Variants in TXNRD1 observed in about 807,000 individuals in gnomAD.
The protein encoded by TXNRD1 is thioredoxin reductase 1, cytoplasmic.
In TXNRD1, 57 loss-of-function variants were observed where a neutral mutation model predicts 80.3. That is an observed-to-expected ratio of 0.71 (90% CI 0.57 to 0.89). TXNRD1 has a LOEUF of 0.89. Among genes scored for constraint, TXNRD1 ranks in the 40% least tolerant of loss-of-function variants. The probability of loss-of-function intolerance (pLI) is 0.00; values close to 1 mark genes in which losing one functional copy is unlikely to be tolerated. For missense variants in TXNRD1, 730 were observed against 803.0 expected (o/e 0.91, Z 1.10); for synonymous variants, 291 against 285.2 (o/e 1.02, Z -0.20).
chr12:104,332,085 A>T (rs988376379), intron 14 of TXNRD1, among the ~76,000 whole-genome samples: 1 of 152,152 alleles, frequency 6.6e-6, no homozygotes, highest in African/African-American at 2.4e-5. Context: ...ATTATAGGAA[A>T]ATGAAAAGAA....
intron 4 of TXNRD1, among the ~76,000 whole-genome samples, chr12:104,295,018 A>T (rs1419713653): frequency 6.6e-6 from 1 of 152,194 alleles, no homozygotes; most frequent in Non-Finnish European, 1.5e-5. Context: ...TTGAGGCCTG[A>T]GGAGGACTGG....
intron 1 of TXNRD1, among the ~76,000 whole-genome samples, chr12:104,234,266 A>T (rs752977971): frequency 2.6e-5 from 4 of 152,222 alleles, no homozygotes; most frequent in Non-Finnish European, 5.9e-5. Flanking sequence ...TCTTAAAGTC[A>T]CATGAACTAA....
At chr12:104,341,389 G>T (rs2036318794) in intron 16 of TXNRD1, among the ~76,000 whole-genome samples, 1 of 152,186 alleles carries the variant, frequency 6.6e-6, no homozygotes, top group Admixed American at 6.5e-5. Flanking sequence ...TGCCGTGCTG[G>T]ACACTGGGGA....
At chr12:104,224,818 A>C (rs1162413901) in intron 1 of TXNRD1, 2 of 456,526 alleles carry the variant, frequency 4.4e-6, no homozygotes, top group Non-Finnish European at 8.8e-6. Context: ...CAACCCAGGA[A>C]TCTCTTTCCC....
At chr12:104,257,492 C>T (rs10861182) in intron 2 of TXNRD1, among the ~76,000 whole-genome samples, 107,172 of 149,124 alleles carry the variant, frequency 0.72, 39,215 homozygotes, top group East Asian at 0.85. Context: ...CTGCAACCTC[C>T]GCCTCCTGAG....
chr12:104,316,757 C>G (rs146912739), intron 7 of TXNRD1, among the ~76,000 whole-genome samples: 2 of 152,304 alleles, frequency 1.3e-5, no homozygotes, highest in East Asian at 3.9e-4. Flanking sequence ...GGCATAGCTT[C>G]CTGGCTAATT....
At chr12:104,219,314 G>A (rs1336630590) in intron 1 of TXNRD1, among the ~76,000 whole-genome samples, 1 of 152,142 alleles carries the variant, frequency 6.6e-6, no homozygotes, top group Non-Finnish European at 1.5e-5. Context: ...AGTACCATAT[G>A]ATCTCTAAGT....
chr12:104,274,064 A>G (rs1565873046), intron 3 of TXNRD1, among the ~76,000 whole-genome samples: 1 of 152,014 alleles, frequency 6.6e-6, no homozygotes. Context: ...AAACAAAACA[A>G]AACAAAACAA....
intron 3 of TXNRD1, among the ~76,000 whole-genome samples, chr12:104,273,626 A>G (rs893418178): frequency 6.6e-6 from 1 of 152,078 alleles, no homozygotes; most frequent in Non-Finnish European, 1.5e-5. Context: ...AGAAAAAAAC[A>G]AGAATGCTCG....
chr12:104,327,211 C>T (rs1181169686), intron 12 of TXNRD1, among the ~76,000 whole-genome samples: 2 of 152,088 alleles, frequency 1.3e-5, no homozygotes, highest in Non-Finnish European at 2.9e-5. Context: ...TGTTTGTTTT[C>T]TTTTATCCAT....
chr12:104,260,329 T>G (rs143112580), intron 3 of TXNRD1, among the ~76,000 whole-genome samples: 1,921 of 152,118 alleles, frequency 0.013, 14 homozygotes, highest in Non-Finnish European at 0.021. Context: ...TAGCCGGGCA[T>G]GGTGGCTCAT....
At chr12:104,220,370 G>A (rs1482489636) in intron 1 of TXNRD1, among the ~76,000 whole-genome samples, 3 of 152,130 alleles carry the variant, frequency 2.0e-5, no homozygotes, top group Admixed American at 6.5e-5. Flanking sequence ...ACATTTGAAT[G>A]TTTACTCTTT....
chr12:104,216,527 C>T (rs1176708105), intron 1 of TXNRD1, among the ~76,000 whole-genome samples: 3 of 152,246 alleles, frequency 2.0e-5, no homozygotes, highest in Non-Finnish European at 4.4e-5. Context: ...CCAATAATGG[C>T]TAGTGGTTAC....
chr12:104,319,167 G>A, intron 8 of TXNRD1, 112 bp downstream of exon 8: 2 of 1,271,550 alleles, frequency 1.6e-6, no homozygotes, highest in Non-Finnish European at 2.1e-6. Context: ...CTGTGACCCA[G>A]ACTATCCAGT....
intron 1 of TXNRD1, among the ~76,000 whole-genome samples, chr12:104,231,290 C>T (rs552564302): frequency 5.6e-4 from 85 of 152,160 alleles, no homozygotes; most frequent in African/African-American, 1.3e-3. Context: ...AAAGGGGTGT[C>T]GAATGGGGAA....
chr12:104,335,050 C>A (rs1026891360), intron 15 of TXNRD1, among the ~76,000 whole-genome samples: 4 of 152,146 alleles, frequency 2.6e-5, no homozygotes, highest in African/African-American at 9.7e-5. Context: ...TTGCCTGATG[C>A]TACATGTAAT....
intron 10 of TXNRD1, among the ~76,000 whole-genome samples, chr12:104,323,579 G>T (rs1390543175): frequency 1.2e-5 from 1 of 84,754 alleles, no homozygotes. Flanking sequence ...CGGGCGGGGG[G>T]CTGACACCCC....
intron 4 of TXNRD1, among the ~76,000 whole-genome samples, chr12:104,301,040 T>C (rs2034604143): frequency 6.6e-6 from 1 of 152,240 alleles, no homozygotes; most frequent in Non-Finnish European, 1.5e-5. Context: ...AGATCTAGCA[T>C]AGAATGCATT....
intron 2 of TXNRD1, among the ~76,000 whole-genome samples, chr12:104,257,395 T>G (rs956281581): frequency 2.1e-5 from 3 of 143,796 alleles, no homozygotes; most frequent in African/African-American, 7.7e-5. Flanking sequence ...ACATTAAGTG[T>G]TCCAATGCTT....
Sources: gnomAD v4.1 joint callset for allele counts (sites outside exome capture counted in the v4.1 genomes callset) on GRCh38, gnomAD v4.1.1 for gene constraint, MANE v1.5 for transcripts, NCBI Gene and HGNC (gene_info 2026-07-23, HGNC 2026-07-21) for gene names.